The following PGAP1 variants were observed in gnomAD, a reference collection of about 807,000 sequenced individuals.
PGAP1 encodes the protein post-GPI attachment to proteins inositol deacylase 1, also known as GPI inositol-deacylase.
PGAP1 carries 76 observed loss-of-function variants against 127.0 expected under a neutral mutation model. That is an observed-to-expected ratio of 0.60 (90% CI 0.50 to 0.72). PGAP1 has a LOEUF of 0.72. Among genes scored for constraint, PGAP1 ranks in the 30% least tolerant of loss-of-function variants. PGAP1 has a pLI of 0.00. For synonymous variants in PGAP1, 362 were observed against 366.5 expected, an observed-to-expected ratio of 0.99 and a Z score of 0.14; for missense variants, 982 against 1,071.3, an observed-to-expected ratio of 0.92 and a Z score of 1.16.
At chr2:196,887,863 G>T (rs903314383) in intron 10 of PGAP1, among the ~76,000 whole-genome samples, 1 of 152,182 alleles carries the variant, frequency 6.6e-6, no homozygotes, top group African/African-American at 2.4e-5. Context: ...TGACATTAAA[G>T]AAGCAAGACA....
At chr2:196,915,003 A>T (rs1328279879) in intron 3 of PGAP1, among the ~76,000 whole-genome samples, 3 of 151,992 alleles carry the variant, frequency 2.0e-5, no homozygotes, top group Non-Finnish European at 4.4e-5. Context: ...TTTTTTGTAG[A>T]CACAGGGTCT....
chr2:196,912,280 AAC>A (rs1702849387), intron 4 of PGAP1, among the ~76,000 whole-genome samples: 1 of 152,194 alleles, frequency 6.6e-6, no homozygotes, highest in African/African-American at 2.4e-5. Context: ...ACAGTCCTAA[AAC>A]AGTTAACAAA....
At chr2:196,854,487 AT>A (rs1700815991) in intron 20 of PGAP1, among the ~76,000 whole-genome samples, 1 of 152,328 alleles carries the variant, frequency 6.6e-6, no homozygotes, top group African/African-American at 2.4e-5. Context: ...TTATATTTGT[AT>A]GGATATGTTA....
rs1354386084 is a variant in PGAP1 at position 196,844,413 on chromosome 2, A to G, written c.2337+111T>C. ...TAGGTTCACTTTACTTAAATTCATA[A>G]TACTGTATCTTTTAAGCACTATGAA... On this transcript the variant is annotated intron_variant, in intron 24 of 26. Transcript: ENST00000354764. The G allele has an allele frequency of 1.0e-5, 7 of 679,160 alleles. No homozygotes were observed. The Admixed American group carries it at 1.0e-4, about 10-fold the overall frequency. The allele number at this position is 679,160 out of a possible 1,614,324, so 42.1% of individuals were successfully genotyped here.
chr2:196,896,583 C>T (rs1405385237), intron 7 of PGAP1, among the ~76,000 whole-genome samples: 3 of 152,106 alleles, frequency 2.0e-5, no homozygotes, highest in African/African-American at 4.8e-5. Flanking sequence ...TAGTAGTTCA[C>T]GCCTGTAATC....
chr2:196,919,253 G>A (rs763191883), intron 2 of PGAP1, among the ~76,000 whole-genome samples: 1 of 152,068 alleles, frequency 6.6e-6, no homozygotes, highest in African/African-American at 2.4e-5. Flanking sequence ...GATGAGAGAG[G>A]GACTTTGTCT....
intron 10 of PGAP1, among the ~76,000 whole-genome samples, chr2:196,887,389 A>T (rs911145690): frequency 2.0e-5 from 3 of 152,076 alleles, no homozygotes; most frequent in African/African-American, 7.2e-5. Context: ...ATCTCAAAAA[A>T]CAAAACAAAA....
intron 19 of PGAP1, among the ~76,000 whole-genome samples, chr2:196,868,687 C>T (rs1701319193): frequency 6.6e-6 from 1 of 152,092 alleles, no homozygotes; most frequent in Non-Finnish European, 1.5e-5. Flanking sequence ...CCCTCTTTTT[C>T]GTAAGAGCAG....
chr2:196,854,018 G>A lies in PGAP1; in HGVS notation c.1862-5981C>T, dbSNP rs536688736. ...TAATCCTCCCTTCTCAGACTCCCAA[G>A]TGGCTGGGACTACAGGTGTATGTAC... On this transcript the variant is annotated intron_variant, in intron 20 of 26. Coordinates refer to ENST00000354764, the MANE Select transcript of PGAP1 (RefSeq NM_024989.4). 3.9e-4 allele frequency among the ~76,000 whole-genome samples: 59 copies of A among 149,392 alleles called. No individual in the cohort carries two copies. The Middle Eastern group carries it at 0.014, about 35-fold the overall frequency.
Position 196,843,986 on chromosome 2 carries a change from A to C in PGAP1, c.2427T>G (p.Ala809=). Reference sequence around the variant, plus strand: ...TACTGTGCATGCGAAGGCTATCTTCAGCATCGTTGGCAGATAAACGAAGAT... The same window carrying C: ...TACTGTGCATGCGAAGGCTATCTTCCGCATCGTTGGCAGATAAACGAAGAT... ...IHHLRLSAND[A]EDSLRMHSTV... is the part of the protein sequence containing the mutation. Residue 809 remains alanine, a synonymous_variant, in exon 25 of 27, where the codon GCT becomes GCG. Transcript: ENST00000354764. 1 of 1,608,500 alleles carries C rather than the reference A, an allele frequency of 6.2e-7. No individual in the cohort carries two copies. The highest frequency in any genetic ancestry group is 8.5e-7 in the Non-Finnish European group (1 of 1,176,028).
At chr2:196,842,888 A>G (rs1396456547) in intron 25 of PGAP1, 63 bp from the exon 26 acceptor site, 6 of 746,636 alleles carry the variant, frequency 8.0e-6, no homozygotes, top group Admixed American at 2.8e-5. Context: ...AATTATCAGA[A>G]TCAAGAGGAT....
chr2:196,843,044 G>A (rs1178574273), intron 25 of PGAP1, among the ~76,000 whole-genome samples: 1 of 151,760 alleles, frequency 6.6e-6, no homozygotes, highest in Non-Finnish European at 1.5e-5. Flanking sequence ...ACTACTAAAG[G>A]AAATGAAAAT....
In PGAP1 at chr2:196,885,296, A is replaced by C. The variant is rs561140094; in HGVS notation, c.1272+128T>G. On this transcript the variant is annotated intron_variant, in intron 12 of 26. Coordinates refer to ENST00000354764, the MANE Select transcript of PGAP1 (RefSeq NM_024989.4). ...GTATTTCTAGAGAAAATATTTTTTA[A>C]ATGTAGGTTAGTAAATCTCAAGTTT... 5 of 563,048 alleles carry C rather than the reference A, an allele frequency of 8.9e-6. No homozygotes were observed. In the South Asian group the frequency reaches 1.7e-4, roughly 19 times the overall value. The allele number at this position is 563,048 out of a possible 1,614,324, so 34.9% of individuals were successfully genotyped here.
chr2:196,897,169 G>T lies in PGAP1; in HGVS notation c.889C>A (p.Arg297=). 1.3e-6 allele frequency: 2 copies of T among 1,583,198 alleles called. No homozygotes were observed. Among genetic ancestry groups the T allele is most frequent in the South Asian group, 2.3e-5 (2 of 85,470 alleles). Residue 297 remains arginine (R), a synonymous_variant, in exon 7 of 27, where the codon CGA becomes AGA. Transcript: ENST00000354764. ...GCATCAATAAGATCAAAGAATGCTC[G>T]AACTGTAGTCAACTGCAATTGTTTA... ...WCKQLQLTTV[R]AFFDLIDADT...
chr2:196,845,748 C>T (rs757066213), intron 23 of PGAP1, 134 bp downstream of exon 23: 3 of 580,660 alleles, frequency 5.2e-6, no homozygotes, highest in Non-Finnish European at 8.2e-6. Context: ...TAACTAATTA[C>T]ATTCAAACCC....
At chr2:196,898,406 C>G in intron 5 of PGAP1, 37 bp from the exon 6 acceptor site, 1 of 1,412,076 alleles carries the variant, frequency 7.1e-7, no homozygotes, top group Non-Finnish European at 1.0e-6. Flanking sequence ...ACGAAAAGCA[C>G]ATTTGTTATT....
At chr2:196,895,137 A>ATT (rs776139799) in intron 7 of PGAP1, among the ~76,000 whole-genome samples, 2 of 152,146 alleles carry the variant, frequency 1.3e-5, no homozygotes, top group Non-Finnish European at 2.9e-5. Context: ...CATAAACAGT[A>ATT]TTTTTGATTC....
intron 22 of PGAP1, 117 bp downstream of exon 22, chr2:196,846,886 A>T: frequency 1.2e-6 from 1 of 802,976 alleles, no homozygotes; most frequent in Non-Finnish European, 1.9e-6. Context: ...TACTTTCGCT[A>T]GTTATATATT....
At chr2:196,904,661 G>C (rs999655718) in intron 4 of PGAP1, among the ~76,000 whole-genome samples, 1 of 152,158 alleles carries the variant, frequency 6.6e-6, no homozygotes, top group Non-Finnish European at 1.5e-5. Flanking sequence ...CCAGGAGGCG[G>C]AGGTTGCAGT....
Sources: allele counts gnomAD v4.1 joint callset (sites outside exome capture counted in the v4.1 genomes callset), GRCh38; gene constraint gnomAD v4.1.1; transcripts MANE v1.5; gene names NCBI Gene and HGNC (gene_info 2026-07-23, HGNC 2026-07-21).